The following SLC6A6 variants were observed in gnomAD, a reference collection of about 807,000 sequenced individuals.
The protein encoded by SLC6A6 is sodium- and chloride-dependent taurine transporter.
In SLC6A6, 16 loss-of-function variants were observed where a neutral mutation model predicts 68.8. The observed-to-expected ratio is 0.23, with a 90% confidence interval of 0.16 to 0.35. The LOEUF (loss-of-function observed/expected upper bound fraction) is 0.35. SLC6A6 is among the 10% of genes least tolerant of loss of function. SLC6A6 has a pLI of 1.00. For synonymous variants in SLC6A6, 312 were observed against 315.4 expected, an observed-to-expected ratio of 0.99 and a Z score of 0.12; for missense variants, 474 against 802.8, an observed-to-expected ratio of 0.59 and a Z score of 4.95.
intron 2 of SLC6A6, among the ~76,000 whole-genome samples, chr3:14,437,332 A>C (rs1019098879): frequency 6.6e-6 from 1 of 152,134 alleles, no homozygotes; most frequent in East Asian, 1.9e-4. Context: ...ATCATGGCTC[A>C]CTGCAGCCTT....
At chr3:14,432,717 T>C (rs2341970) in intron 2 of SLC6A6, 119,393 of 152,326 alleles carry the variant, frequency 0.78, 47,211 homozygotes, top group African/African-American at 0.88. Flanking sequence ...CCCCGATGTG[T>C]GCAGAATCTG....
At chr3:14,410,852 G>A (rs1699237844) in intron 1 of SLC6A6, among the ~76,000 whole-genome samples, 1 of 152,228 alleles carries the variant, frequency 6.6e-6, no homozygotes, top group Non-Finnish European at 1.5e-5. Context: ...GTGGAGGAGT[G>A]TGGTTGGCCA....
intron 1 of SLC6A6, among the ~76,000 whole-genome samples, chr3:14,415,230 T>C (rs9857019): frequency 0.038 from 5,792 of 152,322 alleles, 357 homozygotes; most frequent in African/African-American, 0.13. Context: ...GTTGACTGAC[T>C]GTTCCTACTC....
intron 2 of SLC6A6, among the ~76,000 whole-genome samples, chr3:14,431,559 C>G (rs981053201): frequency 2.2e-4 from 33 of 152,128 alleles, no homozygotes; most frequent in Non-Finnish European, 4.4e-4. Context: ...GGTGTTGGGG[C>G]TTGAGAAACC....
chr3:14,488,625 C>T lies in SLC6A6; in HGVS notation c.*3618C>T, dbSNP rs11128702. 37,415 of 152,064 alleles carry T rather than the reference C, an allele frequency of 0.25. 4,797 individuals are homozygous for T. The highest frequency in any genetic ancestry group is 0.31 in the Middle Eastern group (91 of 294). The allele number at this position is 152,064 out of a possible 1,614,324, so 9.4% of individuals were successfully genotyped here. A position where few individuals can be genotyped will look rare whatever the true frequency, so the allele number is the denominator to read the frequency against. ...ACCCATGTGGTCCCAGGCCAGGCTG[C>T]CTGGGACACGGTAAATACCACTGTG... is the stretch of plus-strand genomic sequence containing the variant. On this transcript the variant is annotated 3_prime_UTR_variant, in exon 15 of 15. Transcript: ENST00000622186.
At chr3:14,455,732 T>C (rs1260338091) in intron 5 of SLC6A6, among the ~76,000 whole-genome samples, 3 of 152,182 alleles carry the variant, frequency 2.0e-5, no homozygotes, top group Non-Finnish European at 4.4e-5. Context: ...TGCCCTGGCT[T>C]TCACTGAAGG....
At chr3:14,434,358 G>A (rs752987569) in intron 2 of SLC6A6, among the ~76,000 whole-genome samples, 2 of 152,322 alleles carry the variant, frequency 1.3e-5, no homozygotes, top group African/African-American at 4.8e-5. Context: ...TGTCACCTCC[G>A]CAGAGGGGCC....
chr3:14,467,997 A>T, intron 8 of SLC6A6, 41 bp downstream of exon 8: 1 of 1,608,288 alleles, frequency 6.2e-7, no homozygotes. Flanking sequence ...TTTAGAAATG[A>T]TGATGATGAT....
intron 3 of SLC6A6, 73 bp downstream of exon 3, chr3:14,443,936 G>GCGTGGGTGGCCTCTCTTT (rs1395120204): frequency 1.9e-6 from 2 of 1,073,916 alleles, no homozygotes; most frequent in African/African-American, 3.1e-5. Flanking sequence ...TGGGACCAGA[G>GCGTGGGTGGCCTCTCTTT]CGTGGGTGGC....
Position 14,486,894 on chromosome 3 carries a change from A to G in SLC6A6, c.*1887A>G, listed in dbSNP as rs1190398214. 2 of 152,230 alleles carry G rather than the reference A, an allele frequency of 1.3e-5. No individual in the cohort carries two copies. Among genetic ancestry groups the G allele is most frequent in the Admixed American group, 6.5e-5 (1 of 15,286 alleles). 9.4% of individuals were successfully genotyped at this position (152,230 alleles called of 1,614,324 possible). A position where few individuals can be genotyped will look rare whatever the true frequency, so the allele number is the denominator to read the frequency against. ...ACTCTGCCAAACAACACCCAGTCCT[A>G]TTCCAAACTCTCAACGATTCTATCT... On this transcript the variant is annotated 3_prime_UTR_variant, in exon 15 of 15. Coordinates refer to ENST00000622186, the MANE Select transcript of SLC6A6 (RefSeq NM_003043.6).
intron 2 of SLC6A6, among the ~76,000 whole-genome samples, chr3:14,418,320 C>G (rs537556842): frequency 9.8e-4 from 149 of 152,182 alleles, no homozygotes; most frequent in Non-Finnish European, 1.9e-3. Flanking sequence ...GAAGCCGGGA[C>G]TAGGCAAGCG....
intron 1 of SLC6A6, among the ~76,000 whole-genome samples, chr3:14,415,364 C>G (rs761483528): frequency 5.3e-5 from 8 of 152,180 alleles, no homozygotes; most frequent in Non-Finnish European, 7.3e-5. Context: ...CTGGCATTTA[C>G]TGACACTGGC....
intron 2 of SLC6A6, among the ~76,000 whole-genome samples, chr3:14,436,550 T>TGGTGC (rs1699857536): frequency 4.3e-5 from 1 of 23,108 alleles, no homozygotes; most frequent in African/African-American, 1.7e-4. Flanking sequence ...TTTTTTTTTT[T>TGGTGC]TTTTTTTTTT....
intron 7 of SLC6A6, among the ~76,000 whole-genome samples, chr3:14,467,444 C>T (rs866692506): frequency 2.0e-5 from 3 of 152,288 alleles, no homozygotes; most frequent in Middle Eastern, 6.8e-3. Flanking sequence ...TACGGGCTTG[C>T]CATGTAACTG....
In SLC6A6 at chr3:14,486,537, T is replaced by G. The variant is rs1018381478; in HGVS notation, c.*1530T>G. 6.6e-6 allele frequency: 1 copy of G among 152,640 alleles called. No homozygotes were observed. The highest frequency in any genetic ancestry group is 6.5e-5 in the Admixed American group (1 of 15,284). 9.5% of individuals were successfully genotyped at this position (152,640 alleles called of 1,614,324 possible). A position where few individuals can be genotyped will look rare whatever the true frequency, so the allele number is the denominator to read the frequency against. On this transcript the variant is annotated 3_prime_UTR_variant, in exon 15 of 15. Coordinates refer to ENST00000622186, the MANE Select transcript of SLC6A6 (RefSeq NM_003043.6). The stretch of plus-strand genomic sequence containing the variant: ...CAAGGGCCTTATGTGGAGCAGAGGT[T>G]GTCTCTGAACCAGGAGAGAAGGTAC...
intron 6 of SLC6A6, among the ~76,000 whole-genome samples, chr3:14,460,017 C>T (rs1700461036): frequency 6.6e-6 from 1 of 151,906 alleles, no homozygotes; most frequent in Non-Finnish European, 1.5e-5. Flanking sequence ...CCACCTCAGC[C>T]TCCTGAGTAG....
At position 14,488,258 on chromosome 3, in the gene SLC6A6, C is replaced by G. The variant is rs1398552699; in HGVS notation, c.*3251C>G. On this transcript the variant is annotated 3_prime_UTR_variant, in exon 15 of 15. Coordinates refer to ENST00000622186, the MANE Select transcript of SLC6A6 (RefSeq NM_003043.6). ...GGCCTTGGATGCTCTCCTTCCAGGA[C>G]AGCATAACCCCTGGGCCATGTGCAG... is the stretch of plus-strand genomic sequence containing the variant. The G allele has an allele frequency of 6.6e-6, 1 of 152,472 alleles. No homozygotes were observed. The highest frequency in any genetic ancestry group is 2.4e-5 in the African/African-American group (1 of 41,420). The allele number at this position is 152,472 out of a possible 1,614,324, so 9.4% of individuals were successfully genotyped here. A position where few individuals can be genotyped will look rare whatever the true frequency, so the allele number is the denominator to read the frequency against.
chr3:14,425,371 C>A (rs935404064), intron 2 of SLC6A6, among the ~76,000 whole-genome samples: 1 of 152,196 alleles, frequency 6.6e-6, no homozygotes, highest in African/African-American at 2.4e-5. Context: ...GAGCTGCCTG[C>A]ACTGGGAATA....
intron 2 of SLC6A6, among the ~76,000 whole-genome samples, chr3:14,426,144 G>GT (rs1699591784): frequency 1.3e-5 from 2 of 152,178 alleles, no homozygotes; most frequent in East Asian, 3.8e-4. Flanking sequence ...GCTGGTTTCA[G>GT]TTTCCCCCTG....
Sources: gnomAD v4.1 joint callset for allele counts (sites outside exome capture counted in the v4.1 genomes callset) on GRCh38, gnomAD v4.1.1 for gene constraint, MANE v1.5 for transcripts, NCBI Gene and HGNC (gene_info 2026-07-23, HGNC 2026-07-21) for gene names.